The following KIAA1671 variants were observed in gnomAD, a reference collection of about 807,000 sequenced individuals.
KIAA1671 encodes the protein KIAA1671.
KIAA1671 carries 52 observed loss-of-function variants against 131.2 expected under a neutral mutation model. The observed-to-expected ratio is 0.40, with a 90% CI of 0.32 to 0.50. The LOEUF is 0.50. KIAA1671 is among the 20% of genes least tolerant of loss of function. The pLI, the probability that KIAA1671 is intolerant of heterozygous loss-of-function variation, is 0.73. For missense variants in KIAA1671, 2,360 were observed against 2,364.2 expected (o/e 1.00, Z 0.04); for synonymous variants, 1,003 against 961.6 (o/e 1.04, Z -0.80).
At chr22:25,173,143 T>A (rs1342174467) in intron 7 of KIAA1671, among the ~76,000 whole-genome samples, 4 of 152,164 alleles carry the variant, frequency 2.6e-5, no homozygotes, top group Non-Finnish European at 5.9e-5. Context: ...TGCCACACAC[T>A]TTTAAACCAT....
At chr22:25,029,965 G>C (rs1376834098) in intron 3 of KIAA1671, among the ~76,000 whole-genome samples, 1 of 152,216 alleles carries the variant, frequency 6.6e-6, no homozygotes, top group Admixed American at 6.5e-5. Flanking sequence ...AAGCCTTTAT[G>C]AGTGGCCCAA....
chr22:25,099,130 G>A (rs1020786626), intron 6 of KIAA1671, among the ~76,000 whole-genome samples: 12 of 152,188 alleles, frequency 7.9e-5, no homozygotes, highest in East Asian at 1.9e-4. Context: ...CCACTAAGCC[G>A]CTGCACAATC....
intron 1 of KIAA1671, chr22:25,013,073 A>G (rs2123879071): frequency 6.6e-6 from 1 of 152,268 alleles, no homozygotes; most frequent in East Asian, 1.9e-4. Context: ...TGAGTGATGT[A>G]AATTGTGTTA....
chr22:25,165,953 C>T (rs1263330072), intron 6 of KIAA1671, among the ~76,000 whole-genome samples: 4 of 152,110 alleles, frequency 2.6e-5, no homozygotes, highest in Non-Finnish European at 5.9e-5. Flanking sequence ...AGGCCCCGCA[C>T]CCATGCAGGT....
At chr22:25,148,154 CCCTCAGAGGCCA>C (rs1932924210) in intron 6 of KIAA1671, among the ~76,000 whole-genome samples, 1 of 152,000 alleles carries the variant, frequency 6.6e-6, no homozygotes, top group Non-Finnish European at 1.5e-5. Flanking sequence ...TCCCGGCACT[CCCTCAGAGGCCA>C]GCCCTGCCTC....
intron 2 of KIAA1671, 85 bp downstream of exon 2, chr22:25,025,869 T>A (rs1217052314): frequency 6.6e-6 from 1 of 152,220 alleles, no homozygotes; most frequent in East Asian, 1.9e-4. Flanking sequence ...GCCAGAGAAT[T>A]TTCTCTCTGT....
At chr22:25,050,439 T>C (rs1319078287) in intron 6 of KIAA1671, 1 of 152,390 alleles carries the variant, frequency 6.6e-6, no homozygotes, top group East Asian at 1.9e-4. Context: ...AAAGGCCTCT[T>C]TGGTTGCTCA....
intron 6 of KIAA1671, chr22:25,052,799 C>G (rs1308292499): frequency 6.6e-6 from 1 of 152,186 alleles, no homozygotes; most frequent in Non-Finnish European, 1.5e-5. Flanking sequence ...TCACTGCAGC[C>G]TCTGCCTCCC....
intron 6 of KIAA1671, among the ~76,000 whole-genome samples, chr22:25,159,779 C>G (rs1467452419): frequency 6.6e-6 from 1 of 152,156 alleles, no homozygotes; most frequent in African/African-American, 2.4e-5. Context: ...AGCCCTAGCT[C>G]AGAACTGCTA....
At position 25,146,071 on chromosome 22, in the gene KIAA1671, T is replaced by C. The variant is rs575406008; in HGVS notation, c.4531-24749T>C. On this transcript the variant is annotated intron_variant, in intron 6 of 12. Coordinates refer to ENST00000358431, the MANE Select transcript of KIAA1671 (RefSeq NM_001145206.2). ...TTCTCTTTAAAACTCAGTGACACGC[T>C]CAGGAAATTACCTGTGCAGAGAGTC... 3.3e-5 allele frequency among the ~76,000 whole-genome samples: 5 copies of C among 152,358 alleles called. No homozygotes were observed. In the East Asian group the frequency reaches 9.6e-4, roughly 29 times the overall value.
intron 1 of KIAA1671, among the ~76,000 whole-genome samples, chr22:24,967,720 C>T (rs141420560): frequency 1.6e-3 from 238 of 152,212 alleles, no homozygotes; most frequent in Non-Finnish European, 2.2e-3. Flanking sequence ...GGGCCGGGCG[C>T]GGTGGCTCAC....
At chr22:25,085,980 G>A (rs544117816) in intron 6 of KIAA1671, among the ~76,000 whole-genome samples, 1 of 152,230 alleles carries the variant, frequency 6.6e-6, no homozygotes, top group East Asian at 1.9e-4. Flanking sequence ...TCCCTGTCAC[G>A]TGACACAGTG....
chr22:24,956,553 G>A (rs978750598), intron 1 of KIAA1671, among the ~76,000 whole-genome samples: 1 of 152,168 alleles, frequency 6.6e-6, no homozygotes, highest in Non-Finnish European at 1.5e-5. Flanking sequence ...GAGCCTTCCC[G>A]GAGGAGGCAG....
chr22:24,970,444 T>C (rs5760767), intron 1 of KIAA1671, among the ~76,000 whole-genome samples: 69,718 of 152,020 alleles, frequency 0.46, 19,399 homozygotes, highest in African/African-American at 0.77. Flanking sequence ...GCTGTACTAG[T>C]TCTGTGACCT....
chr22:25,005,365 GA>G, intron 1 of KIAA1671, among the ~76,000 whole-genome samples: 1 of 136,928 alleles, frequency 7.3e-6, no homozygotes, highest in Non-Finnish European at 1.6e-5. Flanking sequence ...AAAAAAAAAA[GA>G]AAAAAAGAAA....
intron 8 of KIAA1671, chr22:25,175,368 A>AG (rs1030713990): frequency 1.1e-4 from 17 of 152,208 alleles, no homozygotes; most frequent in African/African-American, 4.1e-4. Flanking sequence ...TCCCCAGAGG[A>AG]GGAACACCGC....
intron 6 of KIAA1671, among the ~76,000 whole-genome samples, chr22:25,095,714 T>C (rs1168568439): frequency 6.6e-6 from 1 of 152,214 alleles, no homozygotes; most frequent in Non-Finnish European, 1.5e-5. Flanking sequence ...GTAGGAATAC[T>C]GATGACTGCT....
At chr22:25,119,207 C>T (rs1448006094) in intron 6 of KIAA1671, among the ~76,000 whole-genome samples, 2 of 152,172 alleles carry the variant, frequency 1.3e-5, no homozygotes, top group African/African-American at 2.4e-5. Context: ...CACCCTGTGA[C>T]ACCACCTCCA....
rs533635719 is a variant in KIAA1671 at position 25,092,051 on chromosome 22, C to G, written c.4530+42687C>G. On this transcript the variant is annotated intron_variant, in intron 6 of 12. Coordinates refer to ENST00000358431, the MANE Select transcript of KIAA1671 (RefSeq NM_001145206.2). ...TATTGAGTCTTTTCTCTGTGCCCGA[C>G]GCTGTTATAGTCACCAAGCATCAGA... is the stretch of plus-strand genomic sequence containing the variant. Among the ~76,000 whole-genome samples, 7 of 152,122 alleles carry G rather than the reference C, an allele frequency of 4.6e-5. No individual in the cohort carries two copies. The South Asian group carries it at 1.5e-3, about 32-fold the overall frequency.
Sources: gnomAD v4.1 joint callset for allele counts (sites outside exome capture counted in the v4.1 genomes callset) on GRCh38, gnomAD v4.1.1 for gene constraint, MANE v1.5 for transcripts, NCBI Gene and HGNC (gene_info 2026-07-23, HGNC 2026-07-21) for gene names.